The following ATP10D variants were observed in gnomAD, a reference collection of about 807,000 sequenced individuals.
ATP10D encodes ATPase phospholipid transporting 10D (putative).
Under a neutral mutation model 144.8 loss-of-function variants are expected in ATP10D, and 89 were observed. The observed-to-expected ratio is 0.61, with a 90% CI of 0.52 to 0.73. The LOEUF is 0.73. Among genes scored for constraint, ATP10D ranks in the 30% least tolerant of loss-of-function variants. The pLI is 0.00. For synonymous variants in ATP10D, 571 were observed against 615.1 expected (o/e 0.93, Z 1.06); for missense variants, 1,603 against 1,714.8 (o/e 0.93, Z 1.15).
intron 15 of ATP10D, 38 bp from the exon 16 acceptor site, chr4:47,568,799 G>A (rs777020064): frequency 3.2e-6 from 5 of 1,563,266 alleles, no homozygotes; most frequent in Non-Finnish European, 4.3e-6. Flanking sequence ...GACACCAAGG[G>A]CGCCTGGAGG....
intron 16 of ATP10D, 141 bp downstream of exon 16, chr4:47,569,287 C>G: frequency 1.1e-6 from 1 of 948,036 alleles, no homozygotes; most frequent in East Asian, 2.6e-5. Context: ...CTTCCCATCA[C>G]CTATTTGAGC....
At chr4:47,531,487 T>C (rs898560645) in intron 5 of ATP10D, among the ~76,000 whole-genome samples, 3 of 152,294 alleles carry the variant, frequency 2.0e-5, no homozygotes, top group Admixed American at 6.5e-5. Flanking sequence ...AGGTGAGCAA[T>C]AAGGCAGATC....
chr4:47,488,316 AT>A (rs1383500018), intron 1 of ATP10D, among the ~76,000 whole-genome samples: 1 of 151,930 alleles, frequency 6.6e-6, no homozygotes, highest in Admixed American at 6.5e-5. Context: ...TATAAAATTC[AT>A]TTAATCAAAA....
chr4:47,522,718 T>C (rs1326739647), intron 3 of ATP10D, among the ~76,000 whole-genome samples: 2 of 152,088 alleles, frequency 1.3e-5, no homozygotes, highest in Non-Finnish European at 2.9e-5. Context: ...TGCAAGTGCG[T>C]GCCACCATGC....
rs1297324074 is a variant in ATP10D at position 47,563,711 on chromosome 4, A to G, written c.2799A>G (p.Ala933=). 1 of 1,613,530 alleles carries G rather than the reference A, an allele frequency of 6.2e-7. No individual in the cohort carries two copies. The highest frequency in any genetic ancestry group is 1.7e-5 in the Admixed American group (1 of 59,852). Reference sequence around the variant, plus strand: ...AGACAGCTGTCAACATAGCTTATGCATGCAAACTACTGGAGCCAGATGACA... The same window carrying G: ...AGACAGCTGTCAACATAGCTTATGCGTGCAAACTACTGGAGCCAGATGACA... ...KQETAVNIAY[A]CKLLEPDDKL... is the part of the protein sequence containing the mutation. The change falls in exon 15 of 23, where the codon GCA becomes GCG. Residue 933 remains alanine, a synonymous_variant. Transcript: ENST00000273859.
In ATP10D at chr4:47,587,211, G is replaced by C. The variant is rs1176864312; in HGVS notation, c.3941+5G>C. ...GTCCATTGCTCTTCTGCCCAGGTATGGTATTTATTTTATCATTGAGAGAAT... is the reference window on the plus strand; with the variant it reads ...GTCCATTGCTCTTCTGCCCAGGTATCGTATTTATTTTATCATTGAGAGAAT... On this transcript the variant is annotated splice_donor_5th_base_variant and intron_variant, in intron 22 of 22. Transcript: ENST00000273859. 1 of 1,602,590 alleles carries C rather than the reference G, an allele frequency of 6.2e-7. No individual in the cohort carries two copies. Among genetic ancestry groups the C allele is most frequent in the Non-Finnish European group, 8.5e-7 (1 of 1,173,860 alleles).
intron 9 of ATP10D, 69 bp from the exon 10 acceptor site, chr4:47,546,554 AC>A: frequency 1.5e-6 from 2 of 1,377,472 alleles, no homozygotes; most frequent in Non-Finnish European, 2.1e-6. Context: ...TGCTTAAGTA[AC>A]TGCCTGATAT....
intron 3 of ATP10D, among the ~76,000 whole-genome samples, chr4:47,522,681 C>T (rs146852011): frequency 0.097 from 14,796 of 152,108 alleles, 858 homozygotes; most frequent in Non-Finnish European, 0.13. Context: ...GCGATTCTCC[C>T]GTCTCAGCCT....
At chr4:47,500,544 T>C (rs1715628949) in intron 1 of ATP10D, among the ~76,000 whole-genome samples, 1 of 152,174 alleles carries the variant, frequency 6.6e-6, no homozygotes, top group African/African-American at 2.4e-5. Context: ...TGATGTGAGT[T>C]GTAAGTGAAA....
At position 47,554,760 on chromosome 4, in the gene ATP10D, A is replaced by C. The variant is rs557426590; in HGVS notation, c.1670A>C (p.Asp557Ala). 67 of 1,613,554 alleles carry C rather than the reference A, an allele frequency of 4.2e-5. No homozygotes were observed. The South Asian group carries it at 7.3e-4, about 17-fold the overall frequency. Residue 557 changes from aspartate (D) to alanine (A), a missense_variant, in exon 11 of 23, where the codon GAC becomes GCC. By Grantham distance (126) the Asp-to-Ala change is moderately radical. Transcript: ENST00000273859. Reference protein sequence around the residue: ...TDVVPDTRLLDKFSQITPRLF... With the variant: ...TDVVPDTRLLAKFSQITPRLF... Reference sequence around the variant, plus strand: ...GTGGTACCAGACACCAGGCTTTTAGACAAATTTAGTCAGATTACACCTCGG... The same window carrying C: ...GTGGTACCAGACACCAGGCTTTTAGCCAAATTTAGTCAGATTACACCTCGG...
In ATP10D at chr4:47,591,326, A is replaced by G; in HGVS notation, c.4226A>G (p.Tyr1409Cys). The change falls in exon 23 of 23, where the codon TAC becomes TGC. Residue 1409 changes from tyrosine to cysteine, a missense_variant. Transcript: ENST00000273859. Reference protein sequence around the residue: ...SLCETALDQGYSETKAFEMAG... With the variant: ...SLCETALDQGCSETKAFEMAG... ...TGTGAAACTGCTTTAGATCAAGGCT[A>G]CTCTGAAACTAAGGCCTTTGAGATG... 1.2e-6 allele frequency: 2 copies of G among 1,612,386 alleles called. No homozygotes were observed. The highest frequency in any genetic ancestry group is 1.7e-6 in the Non-Finnish European group (2 of 1,178,562).
intron 13 of ATP10D, among the ~76,000 whole-genome samples, chr4:47,560,740 C>T (rs1162242026): frequency 2.0e-5 from 3 of 152,258 alleles, no homozygotes; most frequent in African/African-American, 7.2e-5. Flanking sequence ...GTTAAAGGGT[C>T]ATCCATCATC....
In ATP10D at chr4:47,546,826, G is replaced by C. The variant is rs747285039; in HGVS notation, c.1599G>C (p.Val533=). Reference sequence around the variant, plus strand: ...GAAGTGGAGAAGGAGCCAGTGAAGTGCCTCATTCCAGACAGGCTGCTTTCA... The same window carrying C: ...GAAGTGGAGAAGGAGCCAGTGAAGTCCCTCATTCCAGACAGGCTGCTTTCA... ...TLGSGEGASE[V]PHSRQAAFSS... Residue 533 remains valine (V), a synonymous_variant, in exon 10 of 23, where the codon GTG becomes GTC. Coordinates refer to ENST00000273859, the MANE Select transcript of ATP10D (RefSeq NM_020453.4). 4 of 1,613,082 alleles carry C rather than the reference G, an allele frequency of 2.5e-6. No homozygotes were observed. In the South Asian group the frequency reaches 4.4e-5, roughly 18 times the overall value.
rs1005164887 is a variant in ATP10D at position 47,590,977 on chromosome 4, G to GGC, written c.3942-64_3942-63insCG. The GGC allele has an allele frequency of 1.7e-3, 828 of 492,452 alleles. 8 individuals carry two copies. The African/African-American group carries it at 0.029, about 17-fold the overall frequency. 30.5% of individuals were successfully genotyped at this position (492,452 alleles called of 1,614,324 possible). A position where few individuals can be genotyped will look rare whatever the true frequency, so the allele number is the denominator to read the frequency against. On this transcript the variant is annotated intron_variant, in intron 22 of 22. Coordinates refer to ENST00000273859, the MANE Select transcript of ATP10D (RefSeq NM_020453.4). ...TTACTTTTTTAATTCGTTAGTATTT[G>GGC]GGGGGGGGGGTTCTGTAATGCATTT...
chr4:47,580,660 A>G (rs116791927), intron 20 of ATP10D, among the ~76,000 whole-genome samples, 182 bp downstream of exon 20: 1,801 of 152,190 alleles, frequency 0.012, 28 homozygotes, highest in Middle Eastern at 0.054. Flanking sequence ...TTAGATAGAC[A>G]TACATAGTTT....
At position 47,593,456 on chromosome 4, in the gene ATP10D, T is replaced by G. The variant is rs989947149; in HGVS notation, c.*2075T>G. ...TATTTCTTTTTAAAATTTGGAAAAT[T>G]TTTAATTCTGAAACACAATCTAGAC... is the stretch of plus-strand genomic sequence containing the variant. On this transcript the variant is annotated 3_prime_UTR_variant, in exon 23 of 23. Transcript: ENST00000273859. 2.0e-5 allele frequency: 3 copies of G among 152,096 alleles called. No homozygotes were observed. Among genetic ancestry groups the G allele is most frequent in the African/African-American group, 7.2e-5 (3 of 41,432 alleles). 9.4% of individuals were successfully genotyped at this position (152,096 alleles called of 1,614,324 possible).
chr4:47,518,041 G>A (rs1003296470), intron 3 of ATP10D, among the ~76,000 whole-genome samples: 1 of 152,024 alleles, frequency 6.6e-6, no homozygotes, highest in Non-Finnish European at 1.5e-5. Flanking sequence ...TTATTATAAG[G>A]TTATAAAGAA....
chr4:47,560,816 C>T lies in ATP10D; in HGVS notation c.2542-133C>T. ...GTCCAGGTGGTGTGAGGATATGGAT[C>T]TGACATGGCTGTGCCCAGAGGGAGG... On this transcript the variant is annotated intron_variant, in intron 13 of 22. Transcript: ENST00000273859. 4 of 1,120,142 alleles carry T rather than the reference C, an allele frequency of 3.6e-6. No homozygotes were observed. In the South Asian group the frequency reaches 5.8e-5, roughly 16 times the overall value. 69.4% of individuals were successfully genotyped at this position (1,120,142 alleles called of 1,614,324 possible).
intron 5 of ATP10D, among the ~76,000 whole-genome samples, chr4:47,534,746 A>C (rs1271683988): frequency 1.3e-5 from 2 of 152,176 alleles, no homozygotes; most frequent in African/African-American, 4.8e-5. Context: ...TCCTAAATAC[A>C]GTTTATACTA....
Sources: allele counts gnomAD v4.1 joint callset (sites outside exome capture counted in the v4.1 genomes callset), GRCh38; gene constraint gnomAD v4.1.1; transcripts MANE v1.5; gene names NCBI Gene and HGNC (gene_info 2026-07-23, HGNC 2026-07-21).